The following MAP3K19 variants were observed in gnomAD, a reference collection of about 807,000 sequenced individuals.
MAP3K19 encodes the protein SPS1/STE20-related protein kinase YSK4.
MAP3K19 carries 91 observed loss-of-function variants against 114.4 expected under a neutral mutation model. That is an observed-to-expected ratio of 0.80 (90% CI 0.67 to 0.95). MAP3K19 has a LOEUF of 0.95. Among genes scored for constraint, MAP3K19 ranks in the 40% least tolerant of loss-of-function variants. The pLI, the probability that MAP3K19 is intolerant of heterozygous loss-of-function variation, is 0.00. For synonymous variants in MAP3K19, 518 were observed against 530.5 expected (o/e 0.98, Z 0.32); for missense variants, 1,471 against 1,573.2 (o/e 0.94, Z 1.10).
rs1362609896 is a variant in MAP3K19, at chr2:134,983,554, G to A, written c.3222+122C>T. The A allele has an allele frequency of 1.6e-5, 11 of 681,138 alleles. No homozygotes were observed. The Admixed American group carries it at 1.6e-4, about 10-fold the overall frequency. The allele number at this position is 681,138 out of a possible 1,614,324, so 42.2% of individuals were successfully genotyped here. A position where few individuals can be genotyped will look rare whatever the true frequency, so the allele number is the denominator to read the frequency against. Reference sequence around the variant, plus strand: ...TTTTCTGTTACTTCCAACTGAAAGAGTTCTAAGTAAAAGAGTGCTTGCCAG... The same window carrying A: ...TTTTCTGTTACTTCCAACTGAAAGAATTCTAAGTAAAAGAGTGCTTGCCAG... On this transcript the variant is annotated intron_variant, in intron 11 of 12. Transcript: ENST00000392915.
intron 5 of MAP3K19, among the ~76,000 whole-genome samples, chr2:135,008,603 G>A (rs1258414726): frequency 6.6e-6 from 1 of 152,084 alleles, no homozygotes; most frequent in African/African-American, 2.4e-5. Context: ...CAAATACTAT[G>A]AAAAAGTTGT....
chr2:135,027,056 G>A (rs1363977597), intron 3 of MAP3K19, among the ~76,000 whole-genome samples: 1 of 152,060 alleles, frequency 6.6e-6, no homozygotes, highest in Non-Finnish European at 1.5e-5. Flanking sequence ...GACCAGCATG[G>A]GCAATATAGT....
chr2:134,989,161 A>G (rs78771635), intron 9 of MAP3K19, among the ~76,000 whole-genome samples: 10 of 152,158 alleles, frequency 6.6e-5, no homozygotes, highest in Non-Finnish European at 1.5e-4. Context: ...TCTAGTTTCA[A>G]ACTAAGCTAG....
In MAP3K19 at chr2:134,998,767, A is replaced by G. The variant is rs1686210084; in HGVS notation, c.545T>C (p.Phe182Ser). 3 of 1,601,208 alleles carry G rather than the reference A, an allele frequency of 1.9e-6. No individual in the cohort carries two copies. Among genetic ancestry groups the G allele is most frequent in the Non-Finnish European group, 1.7e-6 (2 of 1,173,026 alleles). The change falls in exon 8 of 13, where the codon TTT becomes TCT. Residue 182 changes from phenylalanine to serine, a missense_variant. Phe to Ser is a radical substitution (Grantham distance 155, BLOSUM62 -2). Transcript: ENST00000392915. ...AGATTTTCTTTGCTGCTCCTTCAGA[A>G]AATGAGGAGCATCTTCTCTGGTTAC... ...KSVTREDAPHFLKEQQRKSEE... is the reference protein window; with the variant it reads ...KSVTREDAPHSLKEQQRKSEE...
chr2:135,036,322 T>C (rs1688524080), intron 2 of MAP3K19, among the ~76,000 whole-genome samples: 1 of 152,238 alleles, frequency 6.6e-6, no homozygotes, highest in Non-Finnish European at 1.5e-5. Context: ...ATTGAAGTGC[T>C]TCTTGTTTCC....
At chr2:135,033,830 AC>A (rs1574054868) in intron 2 of MAP3K19, among the ~76,000 whole-genome samples, 3 of 11,192 alleles carry the variant, frequency 2.7e-4, no homozygotes, top group Non-Finnish European at 4.0e-4. Flanking sequence ...GGGGGGGCTG[AC>A]CCCCCCACCT....
chr2:135,023,046 C>A (rs944822452), intron 4 of MAP3K19, among the ~76,000 whole-genome samples: 6 of 152,156 alleles, frequency 3.9e-5, no homozygotes, highest in African/African-American at 1.4e-4. Flanking sequence ...TCAACAAAAA[C>A]TCCCCCTCTT....
At chr2:134,965,014 C>T in intron 12 of MAP3K19, 98 bp from the exon 13 acceptor site, 1 of 897,392 alleles carries the variant, frequency 1.1e-6, no homozygotes, top group Non-Finnish European at 1.8e-6. Flanking sequence ...GGAAATACAA[C>T]TTCTGATAGT....
chr2:134,979,423 CCTTTCT>C (rs1234177211), intron 12 of MAP3K19, among the ~76,000 whole-genome samples: 1 of 147,880 alleles, frequency 6.8e-6, no homozygotes, highest in Non-Finnish European at 1.5e-5. Flanking sequence ...AAGATTCCAC[CCTTTCT>C]CTTTAAAGTG....
At chr2:134,966,508 G>A (rs1021997850) in intron 12 of MAP3K19, among the ~76,000 whole-genome samples, 1 of 152,154 alleles carries the variant, frequency 6.6e-6, no homozygotes, top group Non-Finnish European at 1.5e-5. Context: ...AGAAAGAAGT[G>A]AAGAATACAC....
In MAP3K19 at chr2:134,986,628, A is replaced by G. The variant is rs771284656; in HGVS notation, c.2244T>C (p.Ala748=). 1 of 1,614,090 alleles carries G rather than the reference A, an allele frequency of 6.2e-7. No homozygotes were observed. The highest frequency in any genetic ancestry group is 8.5e-7 in the Non-Finnish European group (1 of 1,180,038). Residue 748 remains alanine (A), a synonymous_variant, in exon 10 of 13, where the codon GCT becomes GCC. Coordinates refer to ENST00000392915, the MANE Select transcript of MAP3K19 (RefSeq NM_025052.5). The stretch of plus-strand genomic sequence containing the variant: ...CAATGTCATGTAGGTTGCTATGTAC[A>G]GCCTTGGAACTCTTTTCTTTAGAAA... ...VLISKEKSSK[A]VHSNLHDIEN...
chr2:135,004,347 A>C (rs1351947611), intron 6 of MAP3K19, among the ~76,000 whole-genome samples: 1 of 152,118 alleles, frequency 6.6e-6, no homozygotes, highest in Non-Finnish European at 1.5e-5. Flanking sequence ...TCATAATTTT[A>C]ATGGTTACTA....
At chr2:135,014,509 TTTTTTGTGTGTG>T (rs2105346140) in intron 5 of MAP3K19, among the ~76,000 whole-genome samples, 1 of 152,326 alleles carries the variant, frequency 6.6e-6, no homozygotes, top group Non-Finnish European at 1.5e-5. Context: ...AACCATATTC[TTTTTTGTGTGTG>T]TCAGATATTT....
chr2:134,990,722 G>A (rs1416586743), intron 9 of MAP3K19, among the ~76,000 whole-genome samples: 1 of 152,078 alleles, frequency 6.6e-6, no homozygotes, highest in Non-Finnish European at 1.5e-5. Flanking sequence ...TGAACCACCC[G>A]CCTTGGCCTC....
intron 2 of MAP3K19, among the ~76,000 whole-genome samples, chr2:135,036,637 ATGTGTGTG>A (rs57859657): frequency 0.14 from 19,643 of 140,150 alleles, 1,534 homozygotes; most frequent in South Asian, 0.31. Context: ...GTTCAACATT[ATGTGTGTG>A]TGTGTGTGTG....
rs568766378 is a variant in MAP3K19 at position 134,968,479 on chromosome 2, G to A, written c.3921-3563C>T. ...CACCTCCCGGATGGGGTGGCTGGCCGGGCGGGGGGCTGACCCCCCACCTCC... is the reference window on the plus strand; with the variant it reads ...CACCTCCCGGATGGGGTGGCTGGCCAGGCGGGGGGCTGACCCCCCACCTCC... On this transcript the variant is annotated intron_variant, in intron 12 of 12. Transcript: ENST00000392915. 2.0e-4 allele frequency among the ~76,000 whole-genome samples: 29 copies of A among 148,382 alleles called. No individual in the cohort carries two copies. In the South Asian group the frequency reaches 3.4e-3, roughly 17 times the overall value.
rs372722964 is a variant in MAP3K19 at position 134,986,939 on chromosome 2, T to G, written c.1933A>C (p.Lys645Gln). Residue 645 changes from lysine (K) to glutamine (Q), a missense_variant, in exon 10 of 13, where the codon AAG becomes CAG. Physicochemically the swap from Lys to Gln is moderately conservative, Grantham distance 53. Coordinates refer to ENST00000392915, the MANE Select transcript of MAP3K19 (RefSeq NM_025052.5). ...ATTTCTTTGAACATATCACTATACTTAAGATCTAGGTAATTTAGTCTTGGC... is the reference window on the plus strand; with the variant it reads ...ATTTCTTTGAACATATCACTATACTGAAGATCTAGGTAATTTAGTCTTGGC... ...TEPRLNYLDL[K>Q]YSDMFKEINS... 3.1e-6 allele frequency: 5 copies of G among 1,614,068 alleles called. No individual in the cohort carries two copies. The highest frequency in any genetic ancestry group is 3.4e-6 in the Non-Finnish European group (4 of 1,180,024).
chr2:134,985,025 A>G (rs1278149722), intron 10 of MAP3K19, among the ~76,000 whole-genome samples: 1 of 152,214 alleles, frequency 6.6e-6, no homozygotes, highest in East Asian at 1.9e-4. Flanking sequence ...TTCAATAAAT[A>G]ATATTTCAGT....
Position 134,986,355 on chromosome 2 carries a change from T to A in MAP3K19, c.2517A>T (p.Glu839Asp). ...ILTTSLRDLQELEELHHQIPF... is the reference protein window; with the variant it reads ...ILTTSLRDLQDLEELHHQIPF... ...GGATCTGGTGATGTAGCTCTTCAAG[T>A]TCTTGCAGATCTCTGAGGCTTGTGG... Residue 839 changes from glutamate (E) to aspartate (D), a missense_variant, in exon 10 of 13, where the codon GAA becomes GAT. By Grantham distance (45) the Glu-to-Asp change is conservative. Transcript: ENST00000392915. 6.2e-7 allele frequency: 1 copy of A among 1,613,712 alleles called. No individual in the cohort carries two copies. Among genetic ancestry groups the A allele is most frequent in the Non-Finnish European group, 8.5e-7 (1 of 1,179,888 alleles).
Sources: gnomAD v4.1 joint callset for allele counts (sites outside exome capture counted in the v4.1 genomes callset) on GRCh38, gnomAD v4.1.1 for gene constraint, MANE v1.5 for transcripts, NCBI Gene and HGNC (gene_info 2026-07-23, HGNC 2026-07-21) for gene names.